CPNE5: variants seen among roughly 807,000 people sequenced by gnomAD.
The protein encoded by CPNE5 is copine 5, also known as copine-5.
Under a neutral mutation model 81.1 loss-of-function variants are expected in CPNE5, and 42 were observed. The observed-to-expected ratio is 0.52, with a 90% CI of 0.40 to 0.67. The LOEUF is 0.67. Among genes scored for constraint, CPNE5 ranks in the 30% least tolerant of loss-of-function variants. The pLI is 0.00. For synonymous variants in CPNE5, 313 were observed against 321.5 expected (o/e 0.97, Z 0.28); for missense variants, 612 against 815.5 (o/e 0.75, Z 3.04).
In CPNE5 at chr6:36,823,062, G is replaced by T. The variant is rs779081645; in HGVS notation, c.132C>A (p.Asp44Glu). The T allele has an allele frequency of 7.0e-6, 11 of 1,575,254 alleles. No individual in the cohort carries two copies. Among genetic ancestry groups the T allele is most frequent in the South Asian group, 1.2e-5 (1 of 83,012 alleles). Reference sequence around the variant, plus strand: ...TATTGTCAGAGCAGGACTTACGTGGGTCGGACTTGGAAAACATGTCTTTGT... The same window carrying T: ...TATTGTCAGAGCAGGACTTACGTGGTTCGGACTTGGAAAACATGTCTTTGT... ...LLDKDMFSKSDPLCVMYTQGM... is the reference protein window; with the variant it reads ...LLDKDMFSKSEPLCVMYTQGM... The change falls in exon 2 of 21, where the codon GAC becomes GAA. Residue 44 changes from aspartate (D) to glutamate (E), a missense_variant. Physicochemically the swap from Asp to Glu is conservative, Grantham distance 45 (BLOSUM62 2). Coordinates refer to ENST00000244751, the MANE Select transcript of CPNE5 (RefSeq NM_020939.2).
intron 10 of CPNE5, among the ~76,000 whole-genome samples, chr6:36,765,795 T>G (rs1398321642): frequency 1.3e-5 from 2 of 151,322 alleles, no homozygotes; most frequent in Non-Finnish European, 2.9e-5. Context: ...GGAAGAAGAC[T>G]GCTTGTTGAG....
intron 9 of CPNE5, among the ~76,000 whole-genome samples, chr6:36,777,982 C>T (rs191624849): frequency 9.1e-4 from 139 of 152,226 alleles, no homozygotes; most frequent in African/African-American, 3.2e-3. Flanking sequence ...TCTCCAGCAG[C>T]GCTTCTCTAA....
intron 13 of CPNE5, chr6:36,755,968 C>G (rs527633205): frequency 4.0e-6 from 2 of 493,896 alleles, no homozygotes; most frequent in East Asian, 7.2e-5. Context: ...ATAAATACGA[C>G]TTCTCTTCCT....
In CPNE5 at chr6:36,742,458, C is replaced by T. The variant is rs766851956; in HGVS notation, c.1592G>A (p.Arg531His). 51 of 1,612,834 alleles carry T rather than the reference C, an allele frequency of 3.2e-5. No homozygotes were observed. Among genetic ancestry groups the T allele is most frequent in the Admixed American group, 2.3e-4 (14 of 60,020 alleles). Residue 531 changes from arginine to histidine, a missense_variant, in exon 21 of 21, where the codon CGC becomes CAC. By Grantham distance (29) the Arg-to-His change is conservative. Coordinates refer to ENST00000244751, the MANE Select transcript of CPNE5 (RefSeq NM_020939.2). ...QFVPFRDYVDRTGNHVLSMAR... is the reference protein window; with the variant it reads ...QFVPFRDYVDHTGNHVLSMAR... ...CATGCTCAGCACGTGGTTGCCTGTG[C>T]GGTCCACGTAGTCCCGGAAGGGTAC...
At chr6:36,773,883 G>A (rs1269938946) in intron 10 of CPNE5, among the ~76,000 whole-genome samples, 1 of 152,096 alleles carries the variant, frequency 6.6e-6, no homozygotes, top group African/African-American at 2.4e-5. Flanking sequence ...TGGGCAACAT[G>A]GTGAAACCCC....
At chr6:36,744,853 C>A (rs1339654996) in intron 18 of CPNE5, among the ~76,000 whole-genome samples, 195 bp downstream of exon 18, 1 of 152,188 alleles carries the variant, frequency 6.6e-6, no homozygotes, top group Non-Finnish European at 1.5e-5. Context: ...CTATCCAGCA[C>A]CGGACTCTGC....
At chr6:36,779,074 G>A in intron 8 of CPNE5, 117 bp from the exon 9 acceptor site, 1 of 694,294 alleles carries the variant, frequency 1.4e-6, no homozygotes, top group South Asian at 1.7e-5. Context: ...CACCGACTAA[G>A]TGCCAGGCCC....
At chr6:36,771,011 C>T (rs1766994426) in intron 10 of CPNE5, among the ~76,000 whole-genome samples, 1 of 152,132 alleles carries the variant, frequency 6.6e-6, no homozygotes. Flanking sequence ...CCCTTCCCCT[C>T]TTTCACTCCC....
chr6:36,794,726 C>A (rs969755878), intron 6 of CPNE5, 77 bp from the exon 7 acceptor site: 80 of 1,340,626 alleles, frequency 6.0e-5, no homozygotes, highest in Non-Finnish European at 8.0e-5. Flanking sequence ...CACTTGGCAT[C>A]CAGATGCTTG....
chr6:36,810,269 C>G (rs1175394023), intron 3 of CPNE5, among the ~76,000 whole-genome samples: 1 of 152,122 alleles, frequency 6.6e-6, no homozygotes, highest in Non-Finnish European at 1.5e-5. Context: ...GGGGCTGTGC[C>G]GGTGGGATAG....
intron 18 of CPNE5, 48 bp downstream of exon 18, chr6:36,745,000 G>A: frequency 7.4e-7 from 1 of 1,345,236 alleles, no homozygotes. Flanking sequence ...CTAACGGGGA[G>A]GAAGACACTC....
chr6:36,779,759 A>ATATGAATT (rs1314880970), intron 8 of CPNE5, among the ~76,000 whole-genome samples: 6 of 152,178 alleles, frequency 3.9e-5, no homozygotes, highest in Non-Finnish European at 7.3e-5. Flanking sequence ...TGGACCCCTC[A>ATATGAATT]GCCCCTCAGC....
chr6:36,788,527 G>A (rs192833937), intron 8 of CPNE5, among the ~76,000 whole-genome samples: 15 of 148,504 alleles, frequency 1.0e-4, no homozygotes, highest in Admixed American at 8.1e-4. Flanking sequence ...CTCTGCATCC[G>A]TAAAACAGGG....
intron 8 of CPNE5, among the ~76,000 whole-genome samples, chr6:36,788,638 A>AAT (rs1259469738): frequency 6.8e-6 from 1 of 147,194 alleles, no homozygotes; most frequent in Non-Finnish European, 1.5e-5. Context: ...TACAGGCAGT[A>AAT]ACAATCGTTT....
At chr6:36,798,087 T>C in intron 6 of CPNE5, 78 bp downstream of exon 6, 1 of 1,102,252 alleles carries the variant, frequency 9.1e-7, no homozygotes, top group Non-Finnish European at 1.4e-6. Context: ...CTGACTGCTT[T>C]GTCCCCATCC....
At chr6:36,776,106 C>T (rs765827884) in intron 9 of CPNE5, among the ~76,000 whole-genome samples, 17 of 152,322 alleles carry the variant, frequency 1.1e-4, no homozygotes, top group Non-Finnish European at 2.1e-4. Context: ...CCATGCCCCA[C>T]GCCATGCTTG....
At chr6:36,753,820 C>CA (rs1340582075) in intron 13 of CPNE5, among the ~76,000 whole-genome samples, 1 of 152,220 alleles carries the variant, frequency 6.6e-6, no homozygotes, top group Non-Finnish European at 1.5e-5. Context: ...ATCAAGGAGA[C>CA]AAATGAAAGC....
chr6:36,799,785 C>T (rs1284425194), intron 4 of CPNE5, among the ~76,000 whole-genome samples, 182 bp downstream of exon 4: 1 of 152,196 alleles, frequency 6.6e-6, no homozygotes, highest in Non-Finnish European at 1.5e-5. Flanking sequence ...CTCTCTTCTT[C>T]CCCCTTTCCA....
At chr6:36,755,911 A>G in intron 13 of CPNE5, 1 of 380,420 alleles carries the variant, frequency 2.6e-6, no homozygotes, top group Non-Finnish European at 4.7e-6. Flanking sequence ...CAGGGCAACA[A>G]CCTGTGAAAA....
Sources: allele counts gnomAD v4.1 joint callset (sites outside exome capture counted in the v4.1 genomes callset), GRCh38; gene constraint gnomAD v4.1.1; transcripts MANE v1.5; gene names NCBI Gene and HGNC (gene_info 2026-07-23, HGNC 2026-07-21).